The following LHPP variants were observed in gnomAD, a reference collection of about 807,000 sequenced individuals.
The protein encoded by LHPP is hLHPP.
Under a neutral mutation model 30.3 loss-of-function variants are expected in LHPP, and 24 were observed. That is an observed-to-expected ratio of 0.79 (90% CI 0.57 to 1.11). The LOEUF is 1.11. LHPP is among the 50% of genes most tolerant of loss of function. The pLI, the probability that LHPP is intolerant of heterozygous loss-of-function variation, is 0.00. For missense variants in LHPP, 356 were observed against 367.2 expected (o/e 0.97, Z 0.25); for synonymous variants, 150 against 157.1 (o/e 0.95, Z 0.34).
chr10:124,462,604 C>A (rs1952436905), intron 1 of LHPP, among the ~76,000 whole-genome samples: 1 of 152,126 alleles, frequency 6.6e-6, no homozygotes, highest in South Asian at 2.1e-4. Flanking sequence ...TAAACAAAAC[C>A]CCCAAAAACA....
chr10:124,571,432 A>G (rs1472468941), intron 6 of LHPP, among the ~76,000 whole-genome samples: 1 of 152,170 alleles, frequency 6.6e-6, no homozygotes, highest in Non-Finnish European at 1.5e-5. Flanking sequence ...AAGTAAATTT[A>G]TTCACTTCCG....
At chr10:124,504,716 A>C (rs911614868) in intron 5 of LHPP, among the ~76,000 whole-genome samples, 2 of 152,036 alleles carry the variant, frequency 1.3e-5, no homozygotes, top group African/African-American at 4.8e-5. Context: ...ATTGCTGGTG[A>C]TATTTGGATG....
chr10:124,507,259 G>A lies in LHPP; in HGVS notation c.624+9131G>A, dbSNP rs1438028109. Among the ~76,000 whole-genome samples the A allele has an allele frequency of 5.9e-3, 135 of 23,052 alleles. 17 individuals are homozygous for A. The highest frequency in any genetic ancestry group is 0.015 in the Middle Eastern group (1 of 66). 15.1% of individuals were successfully genotyped at this position (23,052 alleles called of 152,430 possible). A position where few individuals can be genotyped will look rare whatever the true frequency, so the allele number is the denominator to read the frequency against. Reference sequence around the variant, plus strand: ...AGGGTAGGCAGGATTTCAGGTCGGGGGGGTAGACAGGATTTCAGGTGGGGG... The same window carrying A: ...AGGGTAGGCAGGATTTCAGGTCGGGAGGGTAGACAGGATTTCAGGTGGGGG... On this transcript the variant is annotated intron_variant, in intron 5 of 6. Coordinates refer to ENST00000368842, the MANE Select transcript of LHPP (RefSeq NM_022126.4).
chr10:124,597,682 G>A (rs910406985), intron 6 of LHPP, among the ~76,000 whole-genome samples: 1 of 152,198 alleles, frequency 6.6e-6, no homozygotes, highest in Non-Finnish European at 1.5e-5. Context: ...AAAAAGAGAG[G>A]AGGTGGGGTG....
At chr10:124,542,730 A>AG (rs2133946820) in intron 6 of LHPP, among the ~76,000 whole-genome samples, 1 of 152,214 alleles carries the variant, frequency 6.6e-6, no homozygotes, top group South Asian at 2.1e-4. Flanking sequence ...GCCTCCTTCC[A>AG]GGGGCTCACC....
At chr10:124,572,347 G>A (rs1948596019) in intron 6 of LHPP, among the ~76,000 whole-genome samples, 1 of 152,072 alleles carries the variant, frequency 6.6e-6, no homozygotes, top group Admixed American at 6.6e-5. Flanking sequence ...CTCTGTTCAG[G>A]AGACCAGGTG....
chr10:124,542,475 A>G (rs1955221684), intron 6 of LHPP, among the ~76,000 whole-genome samples: 1 of 152,186 alleles, frequency 6.6e-6, no homozygotes, highest in Non-Finnish European at 1.5e-5. Context: ...GCTCAGGTCC[A>G]GGGTCTCCCT....
intron 5 of LHPP, among the ~76,000 whole-genome samples, chr10:124,516,481 C>A (rs568938633): frequency 3.9e-5 from 6 of 152,322 alleles, no homozygotes; most frequent in Non-Finnish European, 8.8e-5. Context: ...CTGGAAGCAT[C>A]GAAGGCAGTA....
chr10:124,520,187 A>G (rs1056579655), intron 6 of LHPP, among the ~76,000 whole-genome samples: 2 of 152,150 alleles, frequency 1.3e-5, no homozygotes, highest in Non-Finnish European at 2.9e-5. Flanking sequence ...GGTTCATTAC[A>G]TAGGTGAACA....
intron 1 of LHPP, among the ~76,000 whole-genome samples, chr10:124,475,303 G>A (rs1225729195): frequency 6.6e-6 from 1 of 151,744 alleles, no homozygotes; most frequent in African/African-American, 2.4e-5. Context: ...CCAAAGTGCT[G>A]GGGATTACAG....
At chr10:124,587,675 G>A (rs1380001630) in intron 6 of LHPP, among the ~76,000 whole-genome samples, 3 of 135,514 alleles carry the variant, frequency 2.2e-5, no homozygotes, top group African/African-American at 8.3e-5. Context: ...AGGAGGTGGA[G>A]ATTGCAGTGA....
At chr10:124,494,702 G>A (rs996163408) in intron 3 of LHPP, among the ~76,000 whole-genome samples, 2 of 152,122 alleles carry the variant, frequency 1.3e-5, no homozygotes, top group Non-Finnish European at 2.9e-5. Context: ...TTTAGCTCAG[G>A]TCTCAGCTTT....
chr10:124,590,027 C>T lies in LHPP; in HGVS notation c.717-23237C>T, dbSNP rs961432512. On this transcript the variant is annotated intron_variant, in intron 6 of 6. Transcript: ENST00000368842. The surrounding 1 kb of genome is among the most constrained non-coding windows in gnomAD (Gnocchi z 4.3). ...TTCTCTCCATCCCACCACTCCACCGCCCCCCGCCCTTAGAAAAATAAATGC... is the reference window on the plus strand; with the variant it reads ...TTCTCTCCATCCCACCACTCCACCGTCCCCCGCCCTTAGAAAAATAAATGC... Among the ~76,000 whole-genome samples the T allele has an allele frequency of 8.5e-5, 13 of 152,320 alleles. No homozygotes were observed. The highest frequency in any genetic ancestry group is 2.6e-4 in the Admixed American group (4 of 15,308).
At chr10:124,534,055 T>C (rs957941331) in intron 6 of LHPP, among the ~76,000 whole-genome samples, 1 of 28,048 alleles carries the variant, frequency 3.6e-5, no homozygotes, top group East Asian at 7.4e-4. Context: ...GCAGGGGGCC[T>C]GGGGTGGGGA....
At chr10:124,606,554 G>A (rs925098351) in intron 6 of LHPP, among the ~76,000 whole-genome samples, 10 of 152,234 alleles carry the variant, frequency 6.6e-5, no homozygotes, top group South Asian at 2.1e-4. Context: ...CGCCAACTTC[G>A]TGTGCAGTCT....
intron 2 of LHPP, among the ~76,000 whole-genome samples, chr10:124,485,024 C>T (rs1953278110): frequency 6.6e-6 from 1 of 152,152 alleles, no homozygotes; most frequent in East Asian, 1.9e-4. Context: ...TTCCTCTGCA[C>T]TTGATATTTT....
rs145062045 is a variant in LHPP, at chr10:124,491,904, G to A, written c.467+3329G>A. Among the ~76,000 whole-genome samples the A allele has an allele frequency of 2.0e-3, 307 of 152,280 alleles. 1 individual carries two copies. Among genetic ancestry groups the A allele is most frequent in the African/African-American group, 6.6e-3 (275 of 41,564 alleles). ...TGCGCCATTGCACTCTAGCCTGGGC[G>A]ACAGAGCAAGACTCCATCTCGAAAA... On this transcript the variant is annotated intron_variant, in intron 3 of 6. Transcript: ENST00000368842.
intron 6 of LHPP, among the ~76,000 whole-genome samples, chr10:124,530,220 G>T (rs1033544298): frequency 6.6e-6 from 1 of 151,982 alleles, no homozygotes; most frequent in Non-Finnish European, 1.5e-5. Context: ...CCTGCCTCCC[G>T]CCCCACCCCT....
At chr10:124,546,962 G>A (rs988892034) in intron 6 of LHPP, among the ~76,000 whole-genome samples, 9 of 151,764 alleles carry the variant, frequency 5.9e-5, no homozygotes, top group South Asian at 4.2e-4. Context: ...CACCTCTCCC[G>A]CTCTTAACCC....
Sources: allele counts gnomAD v4.1 joint callset (sites outside exome capture counted in the v4.1 genomes callset), GRCh38; gene constraint gnomAD v4.1.1; non-coding constraint Gnocchi (gnomAD v3.1); transcripts MANE v1.5; gene names NCBI Gene and HGNC (gene_info 2026-07-23, HGNC 2026-07-21).